ZNF141: variants seen among roughly 807,000 people sequenced by gnomAD.
ZNF141 encodes the protein zinc finger protein 141.
In ZNF141, 7 loss-of-function variants were observed where a neutral mutation model predicts 11.3. The ratio of observed to expected loss-of-function variants is 0.62; its 90% CI spans 0.35 to 1.16. The LOEUF (loss-of-function observed/expected upper bound fraction) is 1.16. Among genes scored for constraint, ZNF141 ranks in the 50% most tolerant of loss-of-function variants. ZNF141 has a pLI of 0.02. For synonymous variants in ZNF141, 183 were observed against 190.7 expected, an observed-to-expected ratio of 0.96 and a Z score of 0.33; for missense variants, 535 against 554.0, an observed-to-expected ratio of 0.97 and a Z score of 0.34.
At chr4:370,632 C>A (rs540707318) in intron 3 of ZNF141, among the ~76,000 whole-genome samples, 2 of 152,080 alleles carry the variant, frequency 1.3e-5, no homozygotes, top group Non-Finnish European at 2.9e-5. Context: ...TTTATCTTGC[C>A]GCTTCTAAGA....
Position 337,952 on chromosome 4 carries a change from C to T in ZNF141, c.-32C>T, listed in dbSNP as rs782473851. The T allele has an allele frequency of 3.7e-6, 6 of 1,612,460 alleles. No individual in the cohort carries two copies. Among genetic ancestry groups the T allele is most frequent in the East Asian group, 4.5e-5 (2 of 44,800 alleles). On this transcript the variant is annotated 5_prime_UTR_variant, in exon 1 of 4. Transcript: ENST00000240499. ...CCTGCGGGTATTGGATGATTGGTAG[C>T]TAAGACTCCCGAATACTTCAGAAGT...
intron 3 of ZNF141, among the ~76,000 whole-genome samples, chr4:356,261 A>T (rs1457723016): frequency 2.6e-5 from 4 of 151,558 alleles, no homozygotes; most frequent in Admixed American, 1.3e-4. Flanking sequence ...AATACTATTA[A>T]TCCTTTCATA....
chr4:383,066 G>T lies in ZNF141; in HGVS notation c.*9204G>T, dbSNP rs782777944. On this transcript the variant is annotated 3_prime_UTR_variant, in exon 4 of 4. Transcript: ENST00000240499. ...GCCAGTTTGGGGCCCAGGTTTAAAG[G>T]TCCTAAATGCTTCTGTTATCTTTTT... 83 of 676,132 alleles carry T rather than the reference G, an allele frequency of 1.2e-4. No homozygotes were observed. The highest frequency in any genetic ancestry group is 1.5e-4 in the Non-Finnish European group (56 of 373,512). The allele number at this position is 676,132 out of a possible 1,614,324, so 41.9% of individuals were successfully genotyped here. A position where few individuals can be genotyped will look rare whatever the true frequency, so the allele number is the denominator to read the frequency against.
chr4:371,754 A>G (rs1712077508), intron 3 of ZNF141, among the ~76,000 whole-genome samples: 2 of 150,046 alleles, frequency 1.3e-5, no homozygotes, highest in Admixed American at 6.7e-5. Context: ...GTTAGCCAAG[A>G]TGGTCTCTAT....
At chr4:339,933 A>G (rs997161729) in intron 1 of ZNF141, among the ~76,000 whole-genome samples, 2 of 152,222 alleles carry the variant, frequency 1.3e-5, no homozygotes, top group African/African-American at 4.8e-5. Context: ...TGACCTCCCA[A>G]ATTACTAGGT....
chr4:375,924 A>G lies in ZNF141; in HGVS notation c.*2062A>G, dbSNP rs191546186. Among the ~76,000 whole-genome samples, 2 of 152,154 alleles carry G rather than the reference A, an allele frequency of 1.3e-5. No individual in the cohort carries two copies. The highest frequency in any genetic ancestry group is 2.4e-5 in the African/African-American group (1 of 41,566). On this transcript the variant is annotated 3_prime_UTR_variant, in exon 4 of 4. Coordinates refer to ENST00000240499, the MANE Select transcript of ZNF141 (RefSeq NM_003441.4). ...CAGAGAGGCTTTTTTGTAGTTGACA[A>G]TATTGAGTGATGCATGAGGTAGGTG...
chr4:353,389 C>A (rs560457055), intron 3 of ZNF141, among the ~76,000 whole-genome samples: 1,441 of 134,006 alleles, frequency 0.011, 16 homozygotes, highest in Non-Finnish European at 0.016. Context: ...AAAAAAAAAT[C>A]ACAGCAGACT....
At chr4:361,448 T>C (rs1291864634) in intron 3 of ZNF141, among the ~76,000 whole-genome samples, 1 of 151,956 alleles carries the variant, frequency 6.6e-6, no homozygotes, top group African/African-American at 2.4e-5. Flanking sequence ...GTTACATATG[T>C]ATACATGTGC....
intron 3 of ZNF141, among the ~76,000 whole-genome samples, chr4:348,138 C>T (rs1721429150): frequency 6.6e-6 from 1 of 152,162 alleles, no homozygotes; most frequent in Non-Finnish European, 1.5e-5. Context: ...GCCACCACAC[C>T]CAGCTGGATA....
chr4:373,077 T>C lies in ZNF141; in HGVS notation c.640T>C (p.Phe214Leu). ...CGKAFKWSLI[F>L]NEHKRIHTGE... ...CAAAGCCTTTAAATGGTCTTTAATA[T>C]TTAATGAACATAAGAGAATTCATAC... is the stretch of plus-strand genomic sequence containing the variant. The change falls in exon 4 of 4, where the codon TTT becomes CTT. Residue 214 changes from phenylalanine (F) to leucine (L), a missense_variant. By Grantham distance (22) the Phe-to-Leu change is conservative (BLOSUM62 0). Transcript: ENST00000240499. The C allele has an allele frequency of 6.2e-7, 1 of 1,610,484 alleles. No homozygotes were observed. Among genetic ancestry groups the C allele is most frequent in the Non-Finnish European group, 8.5e-7 (1 of 1,178,442 alleles).
At chr4:356,519 G>T (rs1207862646) in intron 3 of ZNF141, among the ~76,000 whole-genome samples, 1 of 151,702 alleles carries the variant, frequency 6.6e-6, no homozygotes, top group East Asian at 2.0e-4. Flanking sequence ...TAGAGTTGGG[G>T]TTTCACTGTG....
At chr4:348,331 A>G (rs947910389) in intron 3 of ZNF141, among the ~76,000 whole-genome samples, 16 of 152,304 alleles carry the variant, frequency 1.1e-4, no homozygotes, top group African/African-American at 3.4e-4. Flanking sequence ...CGAGACCAAT[A>G]TCAACAAGGT....
intron 1 of ZNF141, chr4:338,188 G>C: frequency 1.7e-6 from 1 of 578,026 alleles, no homozygotes; most frequent in Non-Finnish European, 2.9e-6. Context: ...TCCTTGTGCA[G>C]CTCTGCGCCC....
intron 3 of ZNF141, among the ~76,000 whole-genome samples, chr4:371,006 A>ACAGGCATGAGCCAC (rs1297390482): frequency 2.0e-5 from 3 of 151,940 alleles, no homozygotes; most frequent in Non-Finnish European, 4.4e-5. Flanking sequence ...TGCTGGGATT[A>ACAGGCATGAGCCAC]CAGGCATGAG....
rs797035348 is a variant in ZNF141, at chr4:374,675, G to A, written c.*813G>A. On this transcript the variant is annotated 3_prime_UTR_variant, in exon 4 of 4. Transcript: ENST00000240499. The stretch of plus-strand genomic sequence containing the variant: ...AAGATGAATATAAGAATTCATCCTA[G>A]ATATAAAACCATAGAAATGTAAAAG... 6.5e-6 allele frequency: 1 copy of A among 154,030 alleles called. No homozygotes were observed. Among genetic ancestry groups the A allele is most frequent in the Non-Finnish European group, 1.4e-5 (1 of 69,194 alleles). The allele number at this position is 154,030 out of a possible 1,614,324, so 9.5% of individuals were successfully genotyped here. A position where few individuals can be genotyped will look rare whatever the true frequency, so the allele number is the denominator to read the frequency against.
In ZNF141 at chr4:376,979, G is replaced by A. The variant is rs1349385398; in HGVS notation, c.*3117G>A. Among the ~76,000 whole-genome samples, 1 of 152,216 alleles carries A rather than the reference G, an allele frequency of 6.6e-6. No homozygotes were observed. Among genetic ancestry groups the A allele is most frequent in the East Asian group, 1.9e-4 (1 of 5,188 alleles). On this transcript the variant is annotated 3_prime_UTR_variant, in exon 4 of 4. Coordinates refer to ENST00000240499, the MANE Select transcript of ZNF141 (RefSeq NM_003441.4). Reference sequence around the variant, plus strand: ...TTTCACTTCATGAAGTGTTTATTATGTGAGCTGGTCAGAAATTATAAGAAT... The same window carrying A: ...TTTCACTTCATGAAGTGTTTATTATATGAGCTGGTCAGAAATTATAAGAAT...
In ZNF141 at chr4:381,445, G is replaced by T; in HGVS notation, c.*7583G>T. 9.0e-6 allele frequency among the ~76,000 whole-genome samples: 1 copy of T among 111,624 alleles called. No individual in the cohort carries two copies. Among genetic ancestry groups the T allele is most frequent in the Admixed American group, 1.4e-4 (1 of 6,968 alleles). The allele number at this position is 111,624 out of a possible 152,430, so 73.2% of individuals were successfully genotyped here. On this transcript the variant is annotated 3_prime_UTR_variant, in exon 4 of 4. Transcript: ENST00000240499. ...TTTTTTTGAGACGTTGTCTTGCTCT[G>T]TCGCCCAGGCTGGAGTGCAGTGGTG...
chr4:368,188 A>G (rs1553853137), intron 3 of ZNF141, among the ~76,000 whole-genome samples: 1 of 152,054 alleles, frequency 6.6e-6, no homozygotes, highest in Non-Finnish European at 1.5e-5. Flanking sequence ...TCTTTATTAT[A>G]CATATTAGGA....
intron 3 of ZNF141, among the ~76,000 whole-genome samples, chr4:357,074 GC>G (rs1408280859): frequency 6.6e-6 from 1 of 152,026 alleles, no homozygotes; most frequent in Non-Finnish European, 1.5e-5. Context: ...TCCCATCTCA[GC>G]CTCTTGAGTA....
Sources: allele counts gnomAD v4.1 joint callset (sites outside exome capture counted in the v4.1 genomes callset), GRCh38; gene constraint gnomAD v4.1.1; transcripts MANE v1.5; gene names NCBI Gene and HGNC (gene_info 2026-07-23, HGNC 2026-07-21).